Variants in SEMA6A observed in about 807,000 individuals in gnomAD.
The protein encoded by SEMA6A is semaphorin-6A.
SEMA6A carries 25 observed loss-of-function variants against 96.8 expected under a neutral mutation model. The ratio of observed to expected loss-of-function variants is 0.26; its 90% CI spans 0.19 to 0.36. The LOEUF (loss-of-function observed/expected upper bound fraction) is 0.36. Among genes scored for constraint, SEMA6A ranks in the 10% least tolerant of loss-of-function variants. The probability of loss-of-function intolerance (pLI) is 1.00; values close to 1 mark genes in which losing one functional copy is unlikely to be tolerated. For missense variants in SEMA6A, 1,363 were observed against 1,323.1 expected (o/e 1.03, Z -0.47); for synonymous variants, 612 against 518.0 (o/e 1.18, Z -2.46).
chr5:116,475,982 T>C (rs1476241846), intron 15 of SEMA6A, among the ~76,000 whole-genome samples: 1 of 152,214 alleles, frequency 6.6e-6, no homozygotes, highest in Non-Finnish European at 1.5e-5. Flanking sequence ...AAATCTTTTT[T>C]TCTCTATTCT....
chr5:116,549,158 C>T (rs1760303913), intron 1 of SEMA6A, among the ~76,000 whole-genome samples: 1 of 152,138 alleles, frequency 6.6e-6, no homozygotes, highest in African/African-American at 2.4e-5. Flanking sequence ...TCGCCAGGGA[C>T]CTACTAAAAG....
intron 1 of SEMA6A, among the ~76,000 whole-genome samples, chr5:116,547,576 A>AGAAG (rs60092930): frequency 0.21 from 31,544 of 151,630 alleles, 3,498 homozygotes; most frequent in Middle Eastern, 0.33. Context: ...GTACTGGTTA[A>AGAAG]AGGCCTTTGT....
rs1217161973 is a variant in SEMA6A, at chr5:116,491,843, A to G, written c.445-13T>C. The stretch of plus-strand genomic sequence containing the variant: ...CCAATGTATCCATCTAAATGAAATA[A>G]TCAGACTTAATTACAAACAACAACC... On this transcript the variant is annotated splice_polypyrimidine_tract_variant and intron_variant, in intron 6 of 18. Coordinates refer to ENST00000343348, the MANE Select transcript of SEMA6A (RefSeq NM_020796.5). The G allele has an allele frequency of 6.3e-7, 1 of 1,588,266 alleles. No individual in the cohort carries two copies. The highest frequency in any genetic ancestry group is 8.6e-7 in the Non-Finnish European group (1 of 1,156,808).
intron 5 of SEMA6A, chr5:116,495,896 T>A: frequency 3.1e-6 from 1 of 326,866 alleles, no homozygotes; most frequent in Non-Finnish European, 5.7e-6. Context: ...AAACCCTGCA[T>A]GTCTGCGGCA....
chr5:116,486,706 C>T (rs996207676), intron 10 of SEMA6A, 43 bp downstream of exon 10: 1 of 1,518,726 alleles, frequency 6.6e-7, no homozygotes, highest in African/African-American at 1.4e-5. Context: ...GAGAAGGAAG[C>T]CAGGAAGAAT....
chr5:116,447,564 G>A lies in SEMA6A; in HGVS notation c.2142C>T (p.Ser714=). Residue 714 remains serine (S), a synonymous_variant, in exon 19 of 19, where the codon TCC becomes TCT. Transcript: ENST00000343348. ...KLSGLFGDTQ[S]KDPKPEAILT... Reference sequence around the variant, plus strand: ...GGATGGCCTCCGGCTTTGGGTCTTTGGATTGAGTGTCCCCAAAGAGGCCGC... The same window carrying A: ...GGATGGCCTCCGGCTTTGGGTCTTTAGATTGAGTGTCCCCAAAGAGGCCGC... The A allele has an allele frequency of 1.2e-6, 2 of 1,614,064 alleles. No individual in the cohort carries two copies. Among genetic ancestry groups the A allele is most frequent in the Non-Finnish European group, 1.7e-6 (2 of 1,179,902 alleles).
At chr5:116,448,170 T>TAAAAAAAAAA (rs59202921) in intron 18 of SEMA6A, among the ~76,000 whole-genome samples, 7 of 119,550 alleles carry the variant, frequency 5.9e-5, no homozygotes, top group African/African-American at 2.2e-4. Flanking sequence ...CCGTCTCTAC[T>TAAAAAAAAAA]AAAAAAAAAA....
chr5:116,498,597 G>T (rs895974106), intron 3 of SEMA6A: 1 of 151,526 alleles, frequency 6.6e-6, no homozygotes, highest in African/African-American at 2.4e-5. Context: ...GGGTGGAAGG[G>T]CGTGGTAAGG....
chr5:116,460,783 CTTTTTT>C (rs57285277), intron 18 of SEMA6A, among the ~76,000 whole-genome samples: 6 of 122,840 alleles, frequency 4.9e-5, no homozygotes, highest in Admixed American at 8.4e-5. Flanking sequence ...TTGTTAATCT[CTTTTTT>C]TTTTTTTTTT....
chr5:116,481,971 G>A (rs1381644731), intron 11 of SEMA6A, among the ~76,000 whole-genome samples: 2 of 152,026 alleles, frequency 1.3e-5, no homozygotes, highest in Non-Finnish European at 2.9e-5. Context: ...TCTCACCCTC[G>A]GTCTAGAGTC....
intron 16 of SEMA6A, among the ~76,000 whole-genome samples, chr5:116,474,276 A>T (rs1284501196): frequency 7.5e-6 from 1 of 133,794 alleles, no homozygotes; most frequent in East Asian, 2.5e-4. Context: ...GCGTGCACGC[A>T]TGCACACACA....
intron 1 of SEMA6A, among the ~76,000 whole-genome samples, chr5:116,533,940 G>A (rs1370518640): frequency 1.3e-5 from 2 of 152,102 alleles, no homozygotes; most frequent in Admixed American, 6.5e-5. Context: ...TTCTCTGGTA[G>A]TTTCATTCTC....
intron 1 of SEMA6A, among the ~76,000 whole-genome samples, chr5:116,529,452 A>G (rs1759368387): frequency 6.6e-6 from 1 of 152,190 alleles, no homozygotes; most frequent in African/African-American, 2.4e-5. Context: ...GGAAATGCTA[A>G]TTACCCTGAT....
At chr5:116,570,911 T>C (rs1761183855) in intron 1 of SEMA6A, among the ~76,000 whole-genome samples, 1 of 152,226 alleles carries the variant, frequency 6.6e-6, no homozygotes, top group Non-Finnish European at 1.5e-5. Flanking sequence ...TCTTCCTAAT[T>C]CTTGCTACAC....
chr5:116,500,492 T>C (rs1180562815), intron 3 of SEMA6A, among the ~76,000 whole-genome samples: 1 of 152,228 alleles, frequency 6.6e-6, no homozygotes, highest in Admixed American at 6.5e-5. Context: ...AGCATACTAG[T>C]TGTATATACT....
At chr5:116,541,690 G>A (rs957320351) in intron 1 of SEMA6A, among the ~76,000 whole-genome samples, 1 of 152,112 alleles carries the variant, frequency 6.6e-6, no homozygotes, top group Admixed American at 6.5e-5. Context: ...AAAATTAGCT[G>A]GGCGTGGTGG....
At chr5:116,502,401 G>C in intron 2 of SEMA6A, 74 bp from the exon 3 acceptor site, 8 of 1,276,820 alleles carry the variant, frequency 6.3e-6, no homozygotes, top group Non-Finnish European at 9.1e-6. Context: ...GGAGGGGAGG[G>C]AGACAGGTCA....
Position 116,503,087 on chromosome 5 carries a change from T to C in SEMA6A, c.101-760A>G, listed in dbSNP as rs549497312. 2.8e-4 allele frequency among the ~76,000 whole-genome samples: 42 copies of C among 152,172 alleles called. 1 individual carries two copies. Among genetic ancestry groups the C allele is most frequent in the Non-Finnish European group, 5.4e-4 (37 of 68,028 alleles). ...GCCAATCTGTATTGAGATCTGGCCT[T>C]TAAAAATACCTACATCTCAACATCT... On this transcript the variant is annotated intron_variant, in intron 2 of 18. Coordinates refer to ENST00000343348, the MANE Select transcript of SEMA6A (RefSeq NM_020796.5).
intron 18 of SEMA6A, among the ~76,000 whole-genome samples, chr5:116,453,702 C>T (rs1405455801): frequency 6.6e-6 from 1 of 152,192 alleles, no homozygotes; most frequent in Non-Finnish European, 1.5e-5. Context: ...CACATTGAAT[C>T]CATTATCGCA....
Sources: allele counts gnomAD v4.1 joint callset (sites outside exome capture counted in the v4.1 genomes callset), GRCh38; gene constraint gnomAD v4.1.1; transcripts MANE v1.5; gene names NCBI Gene and HGNC (gene_info 2026-07-23, HGNC 2026-07-21).